Variants in ABAT observed in about 807,000 individuals in gnomAD.
The protein encoded by ABAT is 4-aminobutyrate aminotransferase, mitochondrial.
Under a neutral mutation model 64.6 loss-of-function variants are expected in ABAT, and 45 were observed. The ratio of observed to expected loss-of-function variants is 0.70; its 90% CI spans 0.55 to 0.89. The LOEUF is 0.89. Among genes scored for constraint, ABAT ranks in the 40% least tolerant of loss-of-function variants. The pLI, the probability that ABAT is intolerant of heterozygous loss-of-function variation, is 0.00. For missense variants in ABAT, 633 were observed against 658.4 expected (o/e 0.96, Z 0.42); for synonymous variants, 297 against 250.5 (o/e 1.19, Z -1.75).
chr16:8,742,343 C>A (rs372271028), intron 2 of ABAT, among the ~76,000 whole-genome samples: 5 of 152,236 alleles, frequency 3.3e-5, no homozygotes, highest in African/African-American at 1.2e-4. Context: ...TGCTACAATG[C>A]AATGTCAAGA....
chr16:8,756,906 T>A (rs1027734998), intron 5 of ABAT, among the ~76,000 whole-genome samples: 31 of 152,160 alleles, frequency 2.0e-4, no homozygotes, highest in African/African-American at 7.2e-4. Flanking sequence ...TGTTGTGCAA[T>A]GTCAGGCCCA....
intron 1 of ABAT, among the ~76,000 whole-genome samples, chr16:8,710,683 T>TGAGAGAGAGAGAGAGAGAGAGAGAGAGA (rs762237876): frequency 4.6e-5 from 4 of 87,776 alleles, no homozygotes; most frequent in Admixed American, 1.3e-4. Flanking sequence ...AAGGCTGCAC[T>TGAGAGAGAGAGAGAGAGAGAGAGAGAGA]GAGAGAGAGA....
chr16:8,737,047 G>A (rs1046359579), intron 2 of ABAT: 5 of 152,474 alleles, frequency 3.3e-5, no homozygotes, highest in African/African-American at 9.6e-5. Flanking sequence ...CTTGTTGGCA[G>A]GCCTTACTGC....
chr16:8,758,363 T>G (rs2059702737), intron 6 of ABAT, among the ~76,000 whole-genome samples: 1 of 151,998 alleles, frequency 6.6e-6, no homozygotes, highest in Admixed American at 6.6e-5. Flanking sequence ...TCAGCTGAGA[T>G]CTGAAGGAGA....
At chr16:8,779,115 G>T (rs75520478) in intron 14 of ABAT, among the ~76,000 whole-genome samples, 11,164 of 152,228 alleles carry the variant, frequency 0.073, 508 homozygotes, top group Middle Eastern at 0.13. Flanking sequence ...GAACCTTATC[G>T]TGCTAAAGTC....
In ABAT at chr16:8,782,965, G is replaced by A. The variant is rs1278807780; in HGVS notation, c.*1535G>A. 6.6e-6 allele frequency: 1 copy of A among 151,992 alleles called. No homozygotes were observed. The highest frequency in any genetic ancestry group is 1.5e-5 in the Non-Finnish European group (1 of 68,004). 9.4% of individuals were successfully genotyped at this position (151,992 alleles called of 1,614,324 possible). ...TTTTTTTAGCTTCCACTCTTCCGCA[G>A]ACTTGGTCATCGACCTATTTTTGTT... On this transcript the variant is annotated 3_prime_UTR_variant, in exon 16 of 16. Transcript: ENST00000268251.
rs1036178644 is a variant in ABAT, at chr16:8,776,048, G to C, written c.1123-296G>C. 2.0e-5 allele frequency among the ~76,000 whole-genome samples: 3 copies of C among 152,184 alleles called. No homozygotes were observed. Among genetic ancestry groups the C allele is most frequent in the African/African-American group, 7.2e-5 (3 of 41,440 alleles). ...TAGGAGTTAAGGAACTGACTGTCTTGGTTTCCTGGGACTGAGGGATTTCCC... is the reference window on the plus strand; with the variant it reads ...TAGGAGTTAAGGAACTGACTGTCTTCGTTTCCTGGGACTGAGGGATTTCCC... On this transcript the variant is annotated intron_variant, in intron 13 of 15. Coordinates refer to ENST00000268251, the MANE Select transcript of ABAT (RefSeq NM_020686.6). This position sits in a 1 kb window ranked among gnomAD's most constrained non-coding sequence, Gnocchi z 4.4.
intron 14 of ABAT, among the ~76,000 whole-genome samples, chr16:8,778,513 A>G (rs1254855483): frequency 1.3e-5 from 2 of 152,026 alleles, no homozygotes; most frequent in African/African-American, 4.8e-5. Flanking sequence ...TGTGGCTCAC[A>G]CCTGTAATCC....
intron 1 of ABAT, among the ~76,000 whole-genome samples, chr16:8,730,991 C>G (rs542158280): frequency 2.0e-4 from 31 of 152,316 alleles, no homozygotes; most frequent in African/African-American, 7.5e-4. Flanking sequence ...GAGACGGTGT[C>G]TCACTCTATC....
At chr16:8,767,697 CAG>C (rs940156199) in intron 9 of ABAT, among the ~76,000 whole-genome samples, 70 of 152,154 alleles carry the variant, frequency 4.6e-4, no homozygotes, top group African/African-American at 1.5e-3. Flanking sequence ...TGTTTTGAGA[CAG>C]AGTCTCGCTC....
chr16:8,682,375 C>G (rs1367031710), intron 1 of ABAT, among the ~76,000 whole-genome samples: 1 of 152,144 alleles, frequency 6.6e-6, no homozygotes, highest in Non-Finnish European at 1.5e-5. Context: ...ATCCAATTTA[C>G]AAATTCCACT....
chr16:8,780,120 C>A (rs780294186), intron 15 of ABAT, among the ~76,000 whole-genome samples: 7 of 151,648 alleles, frequency 4.6e-5, no homozygotes, highest in Non-Finnish European at 1.0e-4. Context: ...AGGGTGCATG[C>A]GATGGCCTGA....
intron 1 of ABAT, among the ~76,000 whole-genome samples, chr16:8,683,938 C>T (rs114211336): frequency 0.02 from 2,853 of 143,420 alleles, 91 homozygotes; most frequent in African/African-American, 0.069. Context: ...GTGTGCGTGT[C>T]TATGTGTCTG....
chr16:8,724,565 C>T (rs1388518075), intron 1 of ABAT, among the ~76,000 whole-genome samples: 1 of 151,888 alleles, frequency 6.6e-6, no homozygotes, highest in Non-Finnish European at 1.5e-5. Flanking sequence ...AACCCCATCT[C>T]TCCAAAAAAG....
intron 1 of ABAT, among the ~76,000 whole-genome samples, chr16:8,685,470 G>A (rs982119399): frequency 2.6e-5 from 4 of 151,722 alleles, no homozygotes; most frequent in African/African-American, 7.3e-5. Flanking sequence ...AGGAGTTCGC[G>A]ACCAACTTGG....
chr16:8,700,911 CTTTTTTT>C (rs1174749864), intron 1 of ABAT, among the ~76,000 whole-genome samples: 1 of 131,566 alleles, frequency 7.6e-6, no homozygotes, highest in Non-Finnish European at 1.6e-5. Flanking sequence ...GGCCTTAATT[CTTTTTTT>C]TTTTTTTTTT....
At chr16:8,735,596 A>G (rs1012982206) in intron 1 of ABAT, 103 bp from the exon 2 acceptor site, 55 of 974,570 alleles carry the variant, frequency 5.6e-5, no homozygotes, top group Non-Finnish European at 7.1e-5. Context: ...TGACAATGTC[A>G]GAAGAACTTT....
At position 8,726,262 on chromosome 16, in the gene ABAT, C is replaced by CTTTT. The variant is rs71152921; in HGVS notation, c.-41-9424_-41-9421dup. ...TCCACGTTGTTGCAAATGACTAGAT[C>CTTTT]TTTTTTTTTTTTTTTTGAGATGGAG... On this transcript the variant is annotated intron_variant, in intron 1 of 15. Transcript: ENST00000268251. 1.9e-3 allele frequency among the ~76,000 whole-genome samples: 224 copies of CTTTT among 120,806 alleles called. 14 individuals carry two copies. Among genetic ancestry groups the CTTTT allele is most frequent in the African/African-American group, 5.7e-3 (187 of 32,948 alleles). The allele number at this position is 120,806 out of a possible 152,430, so 79.3% of individuals were successfully genotyped here.
chr16:8,751,701 A>G (rs1354855086), intron 5 of ABAT, among the ~76,000 whole-genome samples: 2 of 152,162 alleles, frequency 1.3e-5, no homozygotes, highest in African/African-American at 4.8e-5. Context: ...TTTTCCAGGC[A>G]AGGAGGCAGC....
Sources: gnomAD v4.1 joint callset for allele counts (sites outside exome capture counted in the v4.1 genomes callset) on GRCh38, gnomAD v4.1.1 for gene constraint, Gnocchi (gnomAD v3.1) non-coding constraint, MANE v1.5 for transcripts, NCBI Gene and HGNC (gene_info 2026-07-23, HGNC 2026-07-21) for gene names.